The following SEZ6 variants were observed in gnomAD, a reference collection of about 807,000 sequenced individuals.
The protein encoded by SEZ6 is seizure related 6 homolog.
SEZ6 carries 53 observed loss-of-function variants against 101.0 expected under a neutral mutation model. That is an observed-to-expected ratio of 0.52 (90% confidence interval 0.42 to 0.66). The LOEUF (loss-of-function observed/expected upper bound fraction) is 0.66, where lower values mean the gene tolerates loss of function less well. Ranked by LOEUF, SEZ6 falls within the 30% of genes least tolerant of loss-of-function variation. The pLI, the probability that SEZ6 is intolerant of heterozygous loss-of-function variation, is 0.00. For missense variants in SEZ6, 1,102 were observed against 1,289.4 expected (o/e 0.85, Z 2.23); for synonymous variants, 488 against 512.2 (o/e 0.95, Z 0.64).
At chr17:28,986,978 C>A (rs1044823879) in intron 1 of SEZ6, among the ~76,000 whole-genome samples, 8 of 152,168 alleles carry the variant, frequency 5.3e-5, no homozygotes, top group African/African-American at 1.9e-4. Flanking sequence ...GTCACGGGAA[C>A]CAAAGTTCTG....
intron 3 of SEZ6, among the ~76,000 whole-genome samples, chr17:28,978,590 G>A (rs1033523170): frequency 8.5e-5 from 13 of 152,246 alleles, no homozygotes; most frequent in African/African-American, 3.1e-4. Context: ...TGGGAAAGAA[G>A]GTTTGGCCCA....
chr17:28,979,045 G>T (rs2041262156), intron 3 of SEZ6, among the ~76,000 whole-genome samples: 1 of 152,142 alleles, frequency 6.6e-6, no homozygotes, highest in South Asian at 2.1e-4. Flanking sequence ...CTGGACAGGA[G>T]TGGCTTTGGG....
intron 4 of SEZ6, 99 bp downstream of exon 4, chr17:28,969,658 G>T: frequency 1.7e-6 from 2 of 1,158,134 alleles, no homozygotes; most frequent in Non-Finnish European, 2.3e-6. Context: ...GCCCCTCTCT[G>T]CTCCTTCCCT....
intron 2 of SEZ6, among the ~76,000 whole-genome samples, chr17:28,980,530 C>T (rs368561062): frequency 7.2e-5 from 11 of 151,822 alleles, no homozygotes; most frequent in African/African-American, 9.7e-5. Context: ...CCACTACGCC[C>T]GGCTAATTTT....
intron 4 of SEZ6, among the ~76,000 whole-genome samples, chr17:28,966,508 C>T (rs1373345833): frequency 1.3e-5 from 2 of 151,938 alleles, no homozygotes; most frequent in African/African-American, 4.8e-5. Context: ...TCCTGGCTTG[C>T]GTCTAAGAGG....
intron 1 of SEZ6, among the ~76,000 whole-genome samples, chr17:28,986,094 T>G (rs2041378880): frequency 6.6e-6 from 1 of 152,216 alleles, no homozygotes. Context: ...CGCCGCCGCC[T>G]GGGCCCTCCC....
intron 1 of SEZ6, among the ~76,000 whole-genome samples, chr17:28,982,529 T>C (rs886461223): frequency 6.6e-6 from 1 of 152,252 alleles, no homozygotes; most frequent in Non-Finnish European, 1.5e-5. Flanking sequence ...GTCTTTCCTG[T>C]CTGAGATGAT....
In SEZ6 at chr17:28,981,473, T is replaced by C. The variant is rs775868004; in HGVS notation, c.622A>G (p.Ile208Val). The change falls in exon 2 of 17, where the codon ATC becomes GTC. Residue 208 changes from isoleucine to valine, a missense_variant. Transcript: ENST00000317338. ...EVVSQGAGIG[I>V]QGTITSSTAS... ...GTGGAGGAGGTGATGGTCCCCTGGA[T>C]CCCGATCCCTGCGCCCTGGGACACA... 7.0e-6 allele frequency: 11 copies of C among 1,580,210 alleles called. No homozygotes were observed. The South Asian group carries it at 8.1e-5, about 12-fold the overall frequency.
Position 28,981,571 on chromosome 17 carries a change from G to A in SEZ6, c.524C>T (p.Thr175Ile), listed in dbSNP as rs759338932. The change falls in exon 2 of 17, where the codon ACA becomes ATA. Residue 175 changes from threonine (T) to isoleucine (I), a missense_variant. Physicochemically the swap from Thr to Ile is moderately conservative, Grantham distance 89. Coordinates refer to ENST00000317338, the MANE Select transcript of SEZ6 (RefSeq NM_178860.5). ...TLGPGEIAST[T>I]PPSRAWTPTQ... ...TGGTGTCCAGGCTCTGCTGGGGGGT[G>A]TAGTGCTGGCTATCTCCCCTGGGCC... is the stretch of plus-strand genomic sequence containing the variant. 1.1e-5 allele frequency: 17 copies of A among 1,611,668 alleles called. 1 individual carries two copies. Among genetic ancestry groups the A allele is most frequent in the East Asian group, 4.5e-5 (2 of 44,828 alleles).
chr17:28,976,522 G>A (rs2041223543), intron 3 of SEZ6, among the ~76,000 whole-genome samples: 1 of 152,148 alleles, frequency 6.6e-6, no homozygotes, highest in African/African-American at 2.4e-5. Flanking sequence ...GGGCAGGTGG[G>A]GAATTCTCCA....
Position 28,981,606 on chromosome 17 carries a change from C to T in SEZ6, c.489G>A (p.Val163=). 1 of 1,599,726 alleles carries T rather than the reference C, an allele frequency of 6.3e-7. No individual in the cohort carries two copies. The highest frequency in any genetic ancestry group is 8.5e-7 in the Non-Finnish European group (1 of 1,170,052). Residue 163 remains valine, a synonymous_variant, in exon 2 of 17, where the codon GTG becomes GTA. Coordinates refer to ENST00000317338, the MANE Select transcript of SEZ6 (RefSeq NM_178860.5). Reference sequence around the variant, plus strand: ...CTATCTCCCCTGGGCCTAGGGTGGGCACTGCCATGCTGGGCCCTGGAGGTA... The same window carrying T: ...CTATCTCCCCTGGGCCTAGGGTGGGTACTGCCATGCTGGGCCCTGGAGGTA... ...APLPPGPSMA[V]PTLGPGEIAS...
chr17:28,968,894 G>A (rs1317341461), intron 4 of SEZ6, among the ~76,000 whole-genome samples: 2 of 152,184 alleles, frequency 1.3e-5, no homozygotes. Flanking sequence ...GAGGGGGATG[G>A]GTAGGAGGGA....
At position 28,957,595 on chromosome 17, in the gene SEZ6, A is replaced by G. The variant is rs532171428; in HGVS notation, c.2303-56T>C. 1.2e-5 allele frequency: 19 copies of G among 1,545,410 alleles called. No homozygotes were observed. In the East Asian group the frequency reaches 2.1e-4, roughly 17 times the overall value. ...CCCAAGGAGAACTAAGCAGAGGCCA[A>G]TCCACCCTGGCTTTGTTCCAGGCCA... On this transcript the variant is annotated intron_variant, in intron 11 of 16. Transcript: ENST00000317338.
intron 5 of SEZ6, among the ~76,000 whole-genome samples, chr17:28,963,398 A>T (rs1255561159): frequency 6.6e-6 from 1 of 152,020 alleles, no homozygotes; most frequent in Admixed American, 6.6e-5. Context: ...CTCCCTTCTC[A>T]TAAGCTTCAA....
At chr17:28,970,881 C>T (rs2152686604) in intron 3 of SEZ6, among the ~76,000 whole-genome samples, 1 of 152,366 alleles carries the variant, frequency 6.6e-6, no homozygotes, top group African/African-American at 2.4e-5. Context: ...TGACTGTCAG[C>T]TGGGCCTTAC....
chr17:28,989,022 T>C (rs2041421668), intron 1 of SEZ6, among the ~76,000 whole-genome samples: 1 of 152,172 alleles, frequency 6.6e-6, no homozygotes, highest in African/African-American at 2.4e-5. Flanking sequence ...CAGGGGTAAC[T>C]GTGGGCTTTG....
chr17:28,964,922 G>A (rs1342598257), intron 4 of SEZ6, among the ~76,000 whole-genome samples: 2 of 151,686 alleles, frequency 1.3e-5, no homozygotes, highest in Non-Finnish European at 2.9e-5. Context: ...CGGGCATGGT[G>A]GCGCATGCCT....
At chr17:28,980,616 C>A (rs1297013647) in intron 2 of SEZ6, among the ~76,000 whole-genome samples, 1 of 152,184 alleles carries the variant, frequency 6.6e-6, no homozygotes, top group African/African-American at 2.4e-5. Context: ...GTTCCACACG[C>A]CTCAGCCTCC....
intron 1 of SEZ6, among the ~76,000 whole-genome samples, chr17:29,001,179 G>A (rs1187250503): frequency 1.3e-5 from 2 of 152,212 alleles, no homozygotes; most frequent in East Asian, 1.9e-4. Flanking sequence ...TGCTTGCTAC[G>A]CAAACTCAGC....
Sources: allele counts gnomAD v4.1 joint callset (sites outside exome capture counted in the v4.1 genomes callset), GRCh38; gene constraint gnomAD v4.1.1; transcripts MANE v1.5; gene names NCBI Gene and HGNC (gene_info 2026-07-23, HGNC 2026-07-21).